Variants in CCN4 observed in about 807,000 individuals in gnomAD.
CCN4 encodes CCN family member 4.
Under a neutral mutation model 36.7 loss-of-function variants are expected in CCN4, and 30 were observed. That is an observed-to-expected ratio of 0.82 (90% CI 0.61 to 1.11). CCN4 has a LOEUF of 1.11. CCN4 is among the 50% of genes least tolerant of loss of function. The pLI, the probability that CCN4 is intolerant of heterozygous loss-of-function variation, is 0.00. For synonymous variants in CCN4, 191 were observed against 195.4 expected (o/e 0.98, Z 0.19); for missense variants, 505 against 504.9 (o/e 1.00, Z 0.00).
chr8:133,223,202 G>A (rs1588205195), intron 3 of CCN4, among the ~76,000 whole-genome samples: 1 of 152,216 alleles, frequency 6.6e-6, no homozygotes, highest in South Asian at 2.1e-4. Flanking sequence ...AGGGCCACAC[G>A]AGGGTCACGG....
chr8:133,202,806 C>T (rs1853635720), intron 1 of CCN4, among the ~76,000 whole-genome samples: 1 of 152,174 alleles, frequency 6.6e-6, no homozygotes, highest in African/African-American at 2.4e-5. Flanking sequence ...CACCAGGGCC[C>T]GGGATACAGG....
rs1260048415 is a variant in CCN4 at position 133,212,858 on chromosome 8, C to T, written c.70-6C>T. 1.3e-6 allele frequency: 2 copies of T among 1,567,162 alleles called. No homozygotes were observed. The highest frequency in any genetic ancestry group is 1.7e-5 in the Admixed American group (1 of 58,304). ...GCCCCCCTTTCCCTCTGCCCTCCCC[C>T]CGCAGGCCCTCTCTCCAGCCCCTAC... On this transcript the variant is annotated splice_region_variant and splice_polypyrimidine_tract_variant and intron_variant, in intron 1 of 4. Coordinates refer to ENST00000250160, the MANE Select transcript of CCN4 (RefSeq NM_003882.4).
In CCN4 at chr8:133,225,589, T is replaced by C; in HGVS notation, c.804+6T>C. On this transcript the variant is annotated splice_donor_region_variant and intron_variant, in intron 4 of 4. Transcript: ENST00000250160. ...ACATCCATACACTCATTAAGGTGGG[T>C]CCAGAGCAGGTGTGGATGTCTAGAC... 1.3e-6 allele frequency: 2 copies of C among 1,575,884 alleles called. No individual in the cohort carries two copies. Among genetic ancestry groups the C allele is most frequent in the Non-Finnish European group, 1.7e-6 (2 of 1,154,312 alleles).
At chr8:133,203,304 G>A (rs935092666) in intron 1 of CCN4, among the ~76,000 whole-genome samples, 5 of 152,240 alleles carry the variant, frequency 3.3e-5, no homozygotes, top group African/African-American at 1.2e-4. Context: ...CCCAGGGGGT[G>A]AGGACCCTGC....
chr8:133,202,100 T>C (rs1405059588), intron 1 of CCN4, among the ~76,000 whole-genome samples: 1 of 152,226 alleles, frequency 6.6e-6, no homozygotes, highest in Admixed American at 6.5e-5. Context: ...CATTCAGCAT[T>C]CTTTCCCCTG....
At chr8:133,219,997 C>T (rs925766896) in intron 2 of CCN4, among the ~76,000 whole-genome samples, 1 of 151,918 alleles carries the variant, frequency 6.6e-6, no homozygotes, top group Non-Finnish European at 1.5e-5. Flanking sequence ...ACTGTCTCCC[C>T]CCGCCCAACT....
intron 3 of CCN4, among the ~76,000 whole-genome samples, chr8:133,224,037 C>A (rs1854630286): frequency 9.3e-6 from 1 of 107,832 alleles, no homozygotes. Context: ...CCAGGGACAG[C>A]CTGGGTGCTT....
chr8:133,195,319 GGTGT>G (rs368120068), intron 1 of CCN4, among the ~76,000 whole-genome samples: 2 of 150,752 alleles, frequency 1.3e-5, no homozygotes, highest in African/African-American at 4.9e-5. Flanking sequence ...TTGCGTGTGT[GGTGT>G]GTGTGTGTGT....
chr8:133,206,994 C>T (rs576648487), intron 1 of CCN4, among the ~76,000 whole-genome samples: 4 of 151,986 alleles, frequency 2.6e-5, no homozygotes, highest in South Asian at 2.1e-4. Flanking sequence ...AGCAGGAAGG[C>T]GGGGGGGAAA....
At chr8:133,192,676 T>C (rs899458019) in intron 1 of CCN4, among the ~76,000 whole-genome samples, 1 of 152,168 alleles carries the variant, frequency 6.6e-6, no homozygotes, top group African/African-American at 2.4e-5. Context: ...TATTTGGGTA[T>C]AGCTTTGCAG....
chr8:133,193,989 C>G (rs1853210581), intron 1 of CCN4, among the ~76,000 whole-genome samples: 1 of 152,200 alleles, frequency 6.6e-6, no homozygotes, highest in African/African-American at 2.4e-5. Flanking sequence ...CCTCACTTTC[C>G]TCGTTTGTTA....
At chr8:133,200,099 TC>T in intron 1 of CCN4, among the ~76,000 whole-genome samples, 1 of 152,120 alleles carries the variant, frequency 6.6e-6, no homozygotes, top group South Asian at 2.1e-4. Flanking sequence ...GAGCCAGGGA[TC>T]CAGTGCAGGA....
rs1261446353 is a variant in CCN4, at chr8:133,229,348, A to G, written c.*1638A>G. On this transcript the variant is annotated 3_prime_UTR_variant, in exon 5 of 5. Coordinates refer to ENST00000250160, the MANE Select transcript of CCN4 (RefSeq NM_003882.4). ...TTTTAATGTCATTTTTCCCTCTTAT[A>G]GTCTTTCTAGCTCCTTTTCAAAAGA... 6.6e-6 allele frequency: 1 copy of G among 152,200 alleles called. No individual in the cohort carries two copies. Among genetic ancestry groups the G allele is most frequent in the Non-Finnish European group, 1.5e-5 (1 of 68,032 alleles). The allele number at this position is 152,200 out of a possible 1,614,324, so 9.4% of individuals were successfully genotyped here. A position where few individuals can be genotyped will look rare whatever the true frequency, so the allele number is the denominator to read the frequency against.
Position 133,196,247 on chromosome 8 carries a change from G to A in CCN4, c.69+5034G>A, listed in dbSNP as rs530103906. ...TCTAGACCAGCCAGTCAGTAGCCAC[G>A]TGTGGCAGGAGGCCACTCAGCACTT... On this transcript the variant is annotated intron_variant, in intron 1 of 4. Transcript: ENST00000250160. 2.6e-5 allele frequency among the ~76,000 whole-genome samples: 4 copies of A among 152,316 alleles called. No individual in the cohort carries two copies. In the South Asian group the frequency reaches 8.3e-4, roughly 32 times the overall value.
chr8:133,215,336 C>A (rs1405138156), intron 2 of CCN4, among the ~76,000 whole-genome samples: 2 of 152,170 alleles, frequency 1.3e-5, no homozygotes, highest in Non-Finnish European at 2.9e-5. Context: ...TCCCCATAAC[C>A]CAGGTAGGGA....
chr8:133,201,272 C>A (rs1220779996), intron 1 of CCN4, among the ~76,000 whole-genome samples: 1 of 152,238 alleles, frequency 6.6e-6, no homozygotes. Flanking sequence ...CAGCAGCCTG[C>A]CTCTTAGGAT....
chr8:133,215,772 T>C (rs1025337490), intron 2 of CCN4, among the ~76,000 whole-genome samples: 1 of 152,204 alleles, frequency 6.6e-6, no homozygotes, highest in Non-Finnish European at 1.5e-5. Flanking sequence ...TAATAGATTT[T>C]ACGCCTACCA....
rs759578017 is a variant in CCN4 at position 133,212,900 on chromosome 8, C to T, written c.106C>T (p.Pro36Ser). 5.6e-6 allele frequency: 9 copies of T among 1,609,604 alleles called. No individual in the cohort carries two copies. The highest frequency in any genetic ancestry group is 7.6e-6 in the Non-Finnish European group (9 of 1,176,876). The change falls in exon 2 of 5, where the codon CCA (proline) becomes TCA (serine). Residue 36 changes from proline to serine, a missense_variant. Coordinates refer to ENST00000250160, the MANE Select transcript of CCN4 (RefSeq NM_003882.4). ...AGCCCCTACGACCATGGACTTTACCCCAGCTCCACTGGAGGACACCTCCTC... is the reference window on the plus strand; with the variant it reads ...AGCCCCTACGACCATGGACTTTACCTCAGCTCCACTGGAGGACACCTCCTC... The part of the protein sequence containing the change: ...SPAPTTMDFT[P>S]APLEDTSSRP...
At chr8:133,194,300 G>GTA (rs1275204135) in intron 1 of CCN4, among the ~76,000 whole-genome samples, 5 of 138,878 alleles carry the variant, frequency 3.6e-5, no homozygotes, top group African/African-American at 1.1e-4. Context: ...TCTGGTGTGT[G>GTA]TGTGTGGTGT....
Sources: gnomAD v4.1 joint callset for allele counts (sites outside exome capture counted in the v4.1 genomes callset) on GRCh38, gnomAD v4.1.1 for gene constraint, MANE v1.5 for transcripts, NCBI Gene and HGNC (gene_info 2026-07-23, HGNC 2026-07-21) for gene names.